The following UTRN variants were observed in gnomAD, a reference collection of about 807,000 sequenced individuals.
UTRN encodes dystrophin-related protein 1.
A neutral mutation model predicts 463.9 loss-of-function variants in UTRN; 283 were observed. That is an observed-to-expected ratio of 0.61 (90% CI 0.55 to 0.67). The LOEUF (loss-of-function observed/expected upper bound fraction) is 0.67. Ranked by LOEUF, UTRN falls within the 30% of genes least tolerant of loss-of-function variation. UTRN has a pLI of 0.00. For synonymous variants in UTRN, 1,442 were observed against 1,431.5 expected (o/e 1.01, Z -0.17); for missense variants, 3,922 against 4,084.3 (o/e 0.96, Z 1.08).
At chr6:144,487,721 T>C (rs1792609557) in intron 29 of UTRN, 24 bp downstream of exon 29, 1 of 1,576,498 alleles carries the variant, frequency 6.3e-7, no homozygotes, top group African/African-American at 1.4e-5. Flanking sequence ...CATACATGGG[T>C]GTTGATTAGG....
At chr6:144,624,362 G>T (rs1043023026) in intron 51 of UTRN, among the ~76,000 whole-genome samples, 1 of 152,102 alleles carries the variant, frequency 6.6e-6, no homozygotes, top group Non-Finnish European at 1.5e-5. Flanking sequence ...AAAAGTAATA[G>T]GTGGAAAGAA....
In UTRN at chr6:144,537,779, A is replaced by G. The variant is rs988491033; in HGVS notation, c.6369+62A>G. The G allele has an allele frequency of 3.2e-6, 5 of 1,547,624 alleles. No homozygotes were observed. The Admixed American group carries it at 8.2e-5, about 25-fold the overall frequency. Reference sequence around the variant, plus strand: ...CCCGAACATTATACTTCAGAGTCACATACTGCGTGTCTCAAGAAGAAAAGG... The same window carrying G: ...CCCGAACATTATACTTCAGAGTCACGTACTGCGTGTCTCAAGAAGAAAAGG... On this transcript the variant is annotated intron_variant, in intron 44 of 74. Coordinates refer to ENST00000367545, the MANE Select transcript of UTRN (RefSeq NM_007124.3).
chr6:144,711,727 A>G (rs1027767221), intron 53 of UTRN, among the ~76,000 whole-genome samples: 1 of 152,266 alleles, frequency 6.6e-6, no homozygotes, highest in African/African-American at 2.4e-5. Flanking sequence ...AAGCAAATCT[A>G]GAATAATTGA....
chr6:144,398,371 G>T, intron 2 of UTRN: 1 of 357,806 alleles, frequency 2.8e-6, no homozygotes, highest in Non-Finnish European at 5.6e-6. Context: ...TCTCACCAGG[G>T]ACTTCCTTCA....
chr6:144,331,189 A>T (rs7768531), intron 2 of UTRN, among the ~76,000 whole-genome samples: 12,301 of 152,240 alleles, frequency 0.081, 1,432 homozygotes, highest in African/African-American at 0.25. Context: ...CGTTTTTTCT[A>T]AATAATGTCA....
At chr6:144,468,583 C>T (rs1790181247) in intron 23 of UTRN, among the ~76,000 whole-genome samples, 1 of 148,510 alleles carries the variant, frequency 6.7e-6, no homozygotes, top group Non-Finnish European at 1.5e-5. Flanking sequence ...ACTGAAGTCC[C>T]TTAAAGAAAT....
chr6:144,510,249 A>T (rs1255416292), intron 34 of UTRN, among the ~76,000 whole-genome samples: 2 of 152,212 alleles, frequency 1.3e-5, no homozygotes, highest in Middle Eastern at 3.2e-3. Context: ...TGTGGAACTC[A>T]TGCTCTCTCT....
rs1216141578 is a variant in UTRN, at chr6:144,548,822, G to A, written c.6778G>A (p.Glu2260Lys). Reference sequence around the variant, plus strand: ...CAACATTGTCACTGTTGGGGATGTAGAAGAGATCAATAAGACCGTTTCCCG... The same window carrying A: ...CAACATTGTCACTGTTGGGGATGTAAAAGAGATCAATAAGACCGTTTCCCG... ...KSNIVTVGDV[E>K]EINKTVSRMK... The change falls in exon 47 of 75, where the codon GAA becomes AAA. Residue 2260 changes from glutamate (E) to lysine (K), a missense_variant. Physicochemically the swap from Glu to Lys is moderately conservative, Grantham distance 56. Around this residue, in one of 3 missense-constraint regions of UTRN, gnomAD observed 1,309 missense variants for 1,452.6 expected, o/e 0.90. Transcript: ENST00000367545. 3.1e-6 allele frequency: 5 copies of A among 1,613,876 alleles called. No individual in the cohort carries two copies. The Admixed American group carries it at 8.3e-5, about 27-fold the overall frequency.
At chr6:144,316,163 AAC>A (rs1199762693) in intron 2 of UTRN, among the ~76,000 whole-genome samples, 1 of 152,198 alleles carries the variant, frequency 6.6e-6, no homozygotes, top group Admixed American at 6.5e-5. Context: ...TAGGCTGGGA[AAC>A]ACAGTGAGAC....
Position 144,775,593 on chromosome 6 carries a change from T to C in UTRN, c.8632+1229T>C, listed in dbSNP as rs571582892. ...GTAAATTACGAACACACAAAAGGGATGTTTGGTCTGCGCAGGAGTCCATGG... is the reference window on the plus strand; with the variant it reads ...GTAAATTACGAACACACAAAAGGGACGTTTGGTCTGCGCAGGAGTCCATGG... On this transcript the variant is annotated intron_variant, in intron 60 of 74. Transcript: ENST00000367545. Among the ~76,000 whole-genome samples, 6 of 152,234 alleles carry C rather than the reference T, an allele frequency of 3.9e-5. No individual in the cohort carries two copies. The South Asian group carries it at 6.2e-4, about 16-fold the overall frequency.
chr6:144,607,740 G>C (rs1805019034), intron 51 of UTRN, among the ~76,000 whole-genome samples: 1 of 152,004 alleles, frequency 6.6e-6, no homozygotes, highest in Admixed American at 6.6e-5. Flanking sequence ...TCATTATTTT[G>C]GTAGTTTCTT....
chr6:144,540,527 C>T (rs748417993), intron 45 of UTRN, among the ~76,000 whole-genome samples: 15 of 152,196 alleles, frequency 9.9e-5, no homozygotes, highest in Non-Finnish European at 2.1e-4. Flanking sequence ...TCTCCATACT[C>T]TAAACTTGTG....
intron 2 of UTRN, among the ~76,000 whole-genome samples, chr6:144,302,718 A>G (rs1227512469): frequency 6.6e-6 from 1 of 152,174 alleles, no homozygotes; most frequent in Non-Finnish European, 1.5e-5. Flanking sequence ...CCAGGGACAC[A>G]TGGAGGGAGG....
chr6:144,722,897 A>C (rs1185394163), intron 53 of UTRN, among the ~76,000 whole-genome samples: 1 of 152,198 alleles, frequency 6.6e-6, no homozygotes, highest in South Asian at 2.1e-4. Flanking sequence ...TAGTAATCCC[A>C]GGTGGTACCA....
At chr6:144,341,790 C>G (rs948465399) in intron 2 of UTRN, among the ~76,000 whole-genome samples, 7 of 152,092 alleles carry the variant, frequency 4.6e-5, no homozygotes, top group Non-Finnish European at 8.8e-5. Flanking sequence ...TCAGAAGAAC[C>G]CTTTGGTAGA....
intron 51 of UTRN, among the ~76,000 whole-genome samples, chr6:144,633,314 C>T (rs1776737828): frequency 6.6e-6 from 1 of 151,068 alleles, no homozygotes. Context: ...ACTGCAAGCT[C>T]CGCCTCCCGG....
chr6:144,687,791 C>A (rs1032155996), intron 52 of UTRN, among the ~76,000 whole-genome samples: 3 of 152,134 alleles, frequency 2.0e-5, no homozygotes, highest in Non-Finnish European at 4.4e-5. Context: ...CTGTTTCCTG[C>A]ATGTTGACAT....
intron 2 of UTRN, among the ~76,000 whole-genome samples, chr6:144,295,252 G>A (rs1804576497): frequency 1.3e-5 from 2 of 152,188 alleles, no homozygotes; most frequent in South Asian, 4.1e-4. Context: ...ATATACAATC[G>A]AAGAATATCC....
intron 69 of UTRN, among the ~76,000 whole-genome samples, chr6:144,835,371 A>C (rs777307830): frequency 1.2e-4 from 18 of 152,228 alleles, no homozygotes; most frequent in Non-Finnish European, 2.4e-4. Flanking sequence ...AGCATTTCAA[A>C]GTTACTTTCA....
Sources: allele counts gnomAD v4.1 joint callset (sites outside exome capture counted in the v4.1 genomes callset), GRCh38; gene constraint gnomAD v4.1.1; regional missense constraint gnomAD v4.1.1; transcripts MANE v1.5; gene names NCBI Gene and HGNC (gene_info 2026-07-23, HGNC 2026-07-21).